Variants in RFNG observed in about 807,000 individuals in gnomAD.
RFNG encodes beta-1,3-N-acetylglucosaminyltransferase radical fringe.
A neutral mutation model predicts 29.6 loss-of-function variants in RFNG; 37 were observed. The ratio of observed to expected loss-of-function variants is 1.25; its 90% confidence interval spans 0.96 to 1.65. The LOEUF (loss-of-function observed/expected upper bound fraction) is 1.65, where lower values mean the gene tolerates loss of function less well. Ranked by LOEUF, RFNG falls within the 40% of genes most tolerant of loss-of-function variation. The pLI is 0.00. For missense variants in RFNG, 546 were observed against 457.0 expected (o/e 1.19, Z -1.78); for synonymous variants, 276 against 197.3 (o/e 1.40, Z -3.34).
At position 82,048,772 on chromosome 17, in the gene RFNG, G is replaced by C. The variant is rs778704463; in HGVS notation, c.950C>G (p.Thr317Arg). 6.2e-6 allele frequency: 10 copies of C among 1,613,228 alleles called. No homozygotes were observed. The highest frequency in any genetic ancestry group is 2.7e-5 in the African/African-American group (2 of 74,928). Residue 317 changes from threonine to arginine, a missense_variant, in exon 8 of 8, where the codon ACG (threonine) becomes AGG (arginine). Coordinates refer to ENST00000310496, the MANE Select transcript of RFNG (RefSeq NM_002917.2). Reference protein sequence around the residue: ...KSIHCLLYPDTDWCPRQKQGA... With the variant: ...KSIHCLLYPDRDWCPRQKQGA... The stretch of plus-strand genomic sequence containing the variant: ...CTGTTTCTGCCTGGGACACCAGTCC[G>C]TGTCTGGGTACAGAAGACAATGGAT...
intron 3 of RFNG, 23 bp downstream of exon 3, chr17:82,050,639 C>A (rs746267632): frequency 6.2e-7 from 1 of 1,611,046 alleles, no homozygotes; most frequent in Admixed American, 1.7e-5. Context: ...GAGCTCTCTG[C>A]GGGTCGGGTC....
intron 6 of RFNG, 190 bp from the exon 7 acceptor site, chr17:82,049,306 G>A (rs963129265): frequency 2.8e-6 from 2 of 704,900 alleles, no homozygotes; most frequent in South Asian, 1.5e-5. Context: ...CAGAGCCTGG[G>A]GGACAGAAGA....
chr17:82,049,038 G>A lies in RFNG; in HGVS notation c.907C>T (p.Pro303Ser). 6.2e-7 allele frequency: 1 copy of A among 1,613,312 alleles called. No individual in the cohort carries two copies. The highest frequency in any genetic ancestry group is 8.5e-7 in the Non-Finnish European group (1 of 1,179,880). The part of the protein sequence containing the change: ...VAGGFSLHQD[P>S]TRFKSIHCLL... ...ATGCCACTACCTACTCACCGTGTGG[G>A]GTCTTGATGCAGGCTGAAGCCTCCA... Residue 303 changes from proline (P) to serine (S), a missense_variant, in exon 7 of 8, where the codon CCC (proline) becomes TCC (serine). Physicochemically the swap from Pro to Ser is moderately conservative, Grantham distance 74 (BLOSUM62 -1). Transcript: ENST00000310496.
At chr17:82,048,909 G>A (rs558082669) in intron 7 of RFNG, 102 bp from the exon 8 acceptor site, 5 of 1,422,038 alleles carry the variant, frequency 3.5e-6, no homozygotes, top group East Asian at 4.6e-5. Context: ...CGTGGGTACA[G>A]GGAGAAGCCG....
chr17:82,051,569 G>A lies in RFNG; in HGVS notation c.198C>T (p.Thr66=). ...RPDDVFIAVK[T]TRKNHGPRLR... ...GGCGCGGCCCGTGGTTCTTCCGGGT[G>A]GTCTTGACGGCGATGAAGACGTCGT... The change falls in exon 1 of 8, where the codon ACC becomes ACT. Residue 66 remains threonine (T), a synonymous_variant. Transcript: ENST00000310496. This position sits in a 1 kb window ranked among gnomAD's most constrained non-coding sequence, Gnocchi z 4.1. 1 of 1,378,334 alleles carries A rather than the reference G, an allele frequency of 7.3e-7. No homozygotes were observed. The highest frequency in any genetic ancestry group is 1.5e-5 in the African/African-American group (1 of 65,956). 85.4% of individuals were successfully genotyped at this position (1,378,334 alleles called of 1,614,324 possible).
In RFNG at chr17:82,050,030, G is replaced by A. The variant is rs764687740; in HGVS notation, c.574-24C>T. The A allele has an allele frequency of 5.1e-6, 8 of 1,578,232 alleles. No individual in the cohort carries two copies. In the Admixed American group the frequency reaches 1.0e-4, roughly 21 times the overall value. ...ACCTGAAGATGGGGTGGTGGTCAGA[G>A]CTGCCCAGGACAGGGCTTCTCACCC... On this transcript the variant is annotated intron_variant, in intron 4 of 7. Coordinates refer to ENST00000310496, the MANE Select transcript of RFNG (RefSeq NM_002917.2).
At position 82,051,040 on chromosome 17, in the gene RFNG, G is replaced by A. The variant is rs1435041904; in HGVS notation, c.316+254C>T. ...GCCTGGAAGGGCGGATTCCCTGCTGGCGCTTCTTCAGGGGACGTGGCACTA... is the reference window on the plus strand; with the variant it reads ...GCCTGGAAGGGCGGATTCCCTGCTGACGCTTCTTCAGGGGACGTGGCACTA... On this transcript the variant is annotated intron_variant, in intron 2 of 7. Coordinates refer to ENST00000310496, the MANE Select transcript of RFNG (RefSeq NM_002917.2). This position sits in a 1 kb window ranked among gnomAD's most constrained non-coding sequence, Gnocchi z 4.1. 4 of 1,391,220 alleles carry A rather than the reference G, an allele frequency of 2.9e-6. No individual in the cohort carries two copies. The highest frequency in any genetic ancestry group is 2.8e-6 in the Non-Finnish European group (3 of 1,078,106). 86.2% of individuals were successfully genotyped at this position (1,391,220 alleles called of 1,614,324 possible). A position where few individuals can be genotyped will look rare whatever the true frequency, so the allele number is the denominator to read the frequency against.
rs1460510845 is a variant in RFNG at position 82,048,487 on chromosome 17, G to A, written c.*239C>T. 1.8e-6 allele frequency: 1 copy of A among 554,698 alleles called. No individual in the cohort carries two copies. The highest frequency in any genetic ancestry group is 3.3e-6 in the Non-Finnish European group (1 of 306,880). The allele number at this position is 554,698 out of a possible 1,614,324, so 34.4% of individuals were successfully genotyped here. A position where few individuals can be genotyped will look rare whatever the true frequency, so the allele number is the denominator to read the frequency against. On this transcript the variant is annotated 3_prime_UTR_variant, in exon 8 of 8. Coordinates refer to ENST00000310496, the MANE Select transcript of RFNG (RefSeq NM_002917.2). ...GATCAACCTTGGGGCTGGGTCGGGGGGAGGGGCACTGCGGCCCTGGCCATC... is the reference window on the plus strand; with the variant it reads ...GATCAACCTTGGGGCTGGGTCGGGGAGAGGGGCACTGCGGCCCTGGCCATC...
chr17:82,048,952 G>T (rs985302082), intron 7 of RFNG, 79 bp downstream of exon 7: 1 of 1,501,220 alleles, frequency 6.7e-7, no homozygotes, highest in East Asian at 2.3e-5. Flanking sequence ...GAGCAGCGGG[G>T]GTCAGGGCCG....
rs747375805 is a variant in RFNG at position 82,050,505 on chromosome 17, A to C, written c.470T>G (p.Leu157Arg). The change falls in exon 4 of 8, where the codon CTG becomes CGG. Residue 157 changes from leucine to arginine, a missense_variant. Coordinates refer to ENST00000310496, the MANE Select transcript of RFNG (RefSeq NM_002917.2). The part of the protein sequence containing the change: ...DDNYVNARSL[L>R]HLLSSFSPSQ... Reference sequence around the variant, plus strand: ...GGGTGAGAAGCTGGAGAGCAGGTGCAGGAGGCTCCTGGCGTTCACATAATT... The same window carrying C: ...GGGTGAGAAGCTGGAGAGCAGGTGCCGGAGGCTCCTGGCGTTCACATAATT... The C allele has an allele frequency of 1.9e-6, 3 of 1,612,884 alleles. No individual in the cohort carries two copies. The Admixed American group carries it at 5.0e-5, about 27-fold the overall frequency.
rs9915742 is a variant in RFNG, at chr17:82,050,021, G to A, written c.574-15C>T. On this transcript the variant is annotated splice_polypyrimidine_tract_variant and intron_variant, in intron 4 of 7. Coordinates refer to ENST00000310496, the MANE Select transcript of RFNG (RefSeq NM_002917.2). Reference sequence around the variant, plus strand: ...ACCGTGGTCACCTGAAGATGGGGTGGTGGTCAGAGCTGCCCAGGACAGGGC... The same window carrying A: ...ACCGTGGTCACCTGAAGATGGGGTGATGGTCAGAGCTGCCCAGGACAGGGC... 6.3e-6 allele frequency: 10 copies of A among 1,597,604 alleles called. No individual in the cohort carries two copies. The highest frequency in any genetic ancestry group is 6.0e-6 in the Non-Finnish European group (7 of 1,171,574).
chr17:82,050,797 A>T, intron 2 of RFNG, 33 bp from the exon 3 acceptor site: 3 of 1,602,998 alleles, frequency 1.9e-6, no homozygotes, highest in Non-Finnish European at 1.7e-6. Flanking sequence ...ACGCACGTAG[A>T]GGATGGCACT....
At chr17:82,048,945 C>T in intron 7 of RFNG, 86 bp downstream of exon 7, 1 of 1,443,756 alleles carries the variant, frequency 6.9e-7, no homozygotes, top group Non-Finnish European at 9.7e-7. Context: ...GCGGAGGGAG[C>T]AGCGGGGGTC....
rs1283681002 is a variant in RFNG at position 82,049,130 on chromosome 17, G to A, written c.829-14C>T. Reference sequence around the variant, plus strand: ...GCTCAAGGTAACCTGGGAGGGAAGGGTGTGGGCAGAGTGTGTGGCCTGGTC... The same window carrying A: ...GCTCAAGGTAACCTGGGAGGGAAGGATGTGGGCAGAGTGTGTGGCCTGGTC... On this transcript the variant is annotated splice_polypyrimidine_tract_variant and intron_variant, in intron 6 of 7. Coordinates refer to ENST00000310496, the MANE Select transcript of RFNG (RefSeq NM_002917.2). The A allele has an allele frequency of 3.1e-6, 5 of 1,609,780 alleles. No homozygotes were observed. Among genetic ancestry groups the A allele is most frequent in the South Asian group, 1.1e-5 (1 of 90,978 alleles).
Position 82,051,485 on chromosome 17 carries a change from C to A in RFNG, c.267+15G>T. The stretch of plus-strand genomic sequence containing the variant: ...TGGGCGTGGGGCTCGCCGTCGGGGT[C>A]GGGGTCCGGCGCACCTGCTGGCGGG... On this transcript the variant is annotated intron_variant, in intron 1 of 7. Transcript: ENST00000310496. This position sits in a 1 kb window ranked among gnomAD's most constrained non-coding sequence, Gnocchi z 4.1. The A allele has an allele frequency of 1.5e-6, 2 of 1,361,814 alleles. No homozygotes were observed. The highest frequency in any genetic ancestry group is 1.9e-6 in the Non-Finnish European group (2 of 1,054,950). The allele number at this position is 1,361,814 out of a possible 1,614,324, so 84.4% of individuals were successfully genotyped here.
Position 82,051,064 on chromosome 17 carries a change from T to G in RFNG, c.316+230A>C. On this transcript the variant is annotated intron_variant, in intron 2 of 7. Transcript: ENST00000310496. The surrounding 1 kb of genome is among the most constrained non-coding windows in gnomAD (Gnocchi z 4.1). ...GGCGCTTCTTCAGGGGACGTGGCACTAGCCCCACGCCCCGGGAAGCGGCTA... is the reference window on the plus strand; with the variant it reads ...GGCGCTTCTTCAGGGGACGTGGCACGAGCCCCACGCCCCGGGAAGCGGCTA... The G allele has an allele frequency of 7.3e-7, 1 of 1,374,206 alleles. No homozygotes were observed. The highest frequency in any genetic ancestry group is 1.5e-5 in the African/African-American group (1 of 67,890). The allele number at this position is 1,374,206 out of a possible 1,614,324, so 85.1% of individuals were successfully genotyped here.
At chr17:82,050,066 A>G (rs547380133) in intron 4 of RFNG, 60 bp from the exon 5 acceptor site, 1 of 1,386,716 alleles carries the variant, frequency 7.2e-7, no homozygotes, top group East Asian at 2.5e-5. Context: ...CTGACTCTTC[A>G]TGGGACTCCC....
chr17:82,050,242 G>A lies in RFNG; in HGVS notation c.573+160C>T, dbSNP rs2030274287. Reference sequence around the variant, plus strand: ...CTGCCCAGTACGGTGAGGGCCTCCTGGCCTGCTCCTGAAACACCACATGCA... The same window carrying A: ...CTGCCCAGTACGGTGAGGGCCTCCTAGCCTGCTCCTGAAACACCACATGCA... On this transcript the variant is annotated intron_variant, in intron 4 of 7. Coordinates refer to ENST00000310496, the MANE Select transcript of RFNG (RefSeq NM_002917.2). 5.4e-6 allele frequency: 5 copies of A among 928,568 alleles called. No individual in the cohort carries two copies. The South Asian group carries it at 7.0e-5, about 13-fold the overall frequency. The allele number at this position is 928,568 out of a possible 1,614,324, so 57.5% of individuals were successfully genotyped here.
At position 82,051,448 on chromosome 17, in the gene RFNG, A is replaced by G; in HGVS notation, c.267+52T>C. The G allele has an allele frequency of 7.5e-7, 1 of 1,335,526 alleles. No individual in the cohort carries two copies. Among genetic ancestry groups the G allele is most frequent in the Non-Finnish European group, 9.6e-7 (1 of 1,041,062 alleles). 82.7% of individuals were successfully genotyped at this position (1,335,526 alleles called of 1,614,324 possible). A position where few individuals can be genotyped will look rare whatever the true frequency, so the allele number is the denominator to read the frequency against. On this transcript the variant is annotated intron_variant, in intron 1 of 7. Transcript: ENST00000310496. The surrounding 1 kb of genome is among the most constrained non-coding windows in gnomAD (Gnocchi z 4.1). ...GCCTGGGCCGGGCCTAGACCCTGGG[A>G]GGCGGGGCGGGTGGGCGTGGGGCTC... is the stretch of plus-strand genomic sequence containing the variant.
Sources: allele counts gnomAD v4.1 joint callset, GRCh38; gene constraint gnomAD v4.1.1; non-coding constraint Gnocchi (gnomAD v3.1); transcripts MANE v1.5; gene names NCBI Gene and HGNC (gene_info 2026-07-23, HGNC 2026-07-21).